PRKCQ: variants seen among roughly 807,000 people sequenced by gnomAD.
PRKCQ encodes the protein protein kinase C theta, also known as protein kinase C theta type.
Under a neutral mutation model 91.2 loss-of-function variants are expected in PRKCQ, and 41 were observed. That is an observed-to-expected ratio of 0.45 (90% CI 0.35 to 0.58). The LOEUF (loss-of-function observed/expected upper bound fraction) is 0.58, where lower values mean the gene tolerates loss of function less well. Ranked by LOEUF, PRKCQ falls within the 20% of genes least tolerant of loss-of-function variation. PRKCQ has a pLI of 0.00. For synonymous variants in PRKCQ, 307 were observed against 316.9 expected (o/e 0.97, Z 0.33); for missense variants, 673 against 896.5 (o/e 0.75, Z 3.18).
chr10:6,574,243 G>A (rs1160211224), intron 1 of PRKCQ, among the ~76,000 whole-genome samples: 5 of 152,320 alleles, frequency 3.3e-5, no homozygotes, highest in East Asian at 1.9e-4. Context: ...AGTGCAAGCC[G>A]AGTGCTGTGA....
At chr10:6,554,356 C>G (rs1588418328) in intron 1 of PRKCQ, among the ~76,000 whole-genome samples, 1 of 151,438 alleles carries the variant, frequency 6.6e-6, no homozygotes, top group African/African-American at 2.4e-5. Context: ...GTGGTTGGAA[C>G]TGAATTAGGG....
chr10:6,431,110 C>A lies in PRKCQ; in HGVS notation c.1837-172G>T, dbSNP rs143183211. ...GTCCTGGCACTCTCCCTTGAAGAAGCCTTTCTAAATTTGCTGGAGTCTGAC... is the reference window on the plus strand; with the variant it reads ...GTCCTGGCACTCTCCCTTGAAGAAGACTTTCTAAATTTGCTGGAGTCTGAC... On this transcript the variant is annotated intron_variant, in intron 16 of 17. Coordinates refer to ENST00000263125, the MANE Select transcript of PRKCQ (RefSeq NM_006257.5). 2.7e-3 allele frequency among the ~76,000 whole-genome samples: 411 copies of A among 152,296 alleles called. 1 individual carries two copies. The highest frequency in any genetic ancestry group is 9.4e-3 in the African/African-American group (392 of 41,564).
chr10:6,560,550 T>C (rs57809446), intron 1 of PRKCQ, among the ~76,000 whole-genome samples: 2,233 of 152,314 alleles, frequency 0.015, 46 homozygotes, highest in African/African-American at 0.052. Flanking sequence ...CCTGAGATAG[T>C]GTTTCACGGA....
the PRKCQ span, among the ~76,000 whole-genome samples, chr10:6,395,133 G>A: frequency 2.8e-4 from 40 of 140,798 alleles, no homozygotes; most frequent in Non-Finnish European, 4.2e-4. Flanking sequence ...CTGTGATCTC[G>A]GCTCACTGCA....
the PRKCQ span, among the ~76,000 whole-genome samples, chr10:6,414,971 A>AT: frequency 4.0e-5 from 6 of 150,998 alleles, no homozygotes; most frequent in Admixed American, 1.3e-4. Context: ...TTTTAATTTA[A>AT]TTTTTTTTTG....
At chr10:6,458,039 G>A (rs768485767) in intron 14 of PRKCQ, among the ~76,000 whole-genome samples, 5 of 151,870 alleles carry the variant, frequency 3.3e-5, no homozygotes, top group Non-Finnish European at 7.4e-5. Context: ...TCAACCTCTT[G>A]AGCAAGCAGT....
At chr10:6,494,115 C>T (rs1489892200) in intron 7 of PRKCQ, among the ~76,000 whole-genome samples, 2 of 152,168 alleles carry the variant, frequency 1.3e-5, no homozygotes, top group Non-Finnish European at 2.9e-5. Context: ...CTCCAGCCAT[C>T]AAACTCCATG....
intron 1 of PRKCQ, among the ~76,000 whole-genome samples, chr10:6,532,026 C>T (rs924201340): frequency 6.6e-6 from 1 of 152,186 alleles, no homozygotes; most frequent in African/African-American, 2.4e-5. Context: ...TTCCAGGCAT[C>T]ACTCAGTGAG....
At chr10:6,518,975 A>G (rs1163497077) in intron 1 of PRKCQ, among the ~76,000 whole-genome samples, 2 of 152,366 alleles carry the variant, frequency 1.3e-5, no homozygotes, top group East Asian at 3.9e-4. Context: ...TATGTAAATT[A>G]CCACATTTAA....
intron 1 of PRKCQ, among the ~76,000 whole-genome samples, chr10:6,575,134 A>C (rs996411849): frequency 6.6e-6 from 1 of 152,228 alleles, no homozygotes; most frequent in Non-Finnish European, 1.5e-5. Flanking sequence ...GTTGCATGAC[A>C]TTATAAACTG....
chr10:6,466,857 TGA>T (rs1200208719), intron 12 of PRKCQ, among the ~76,000 whole-genome samples: 2 of 152,064 alleles, frequency 1.3e-5, no homozygotes, highest in African/African-American at 4.8e-5. Flanking sequence ...CCAAGAAGAA[TGA>T]GACTCAGAGT....
At chr10:6,515,180 C>T in intron 1 of PRKCQ, 36 bp from the exon 2 acceptor site, 1 of 1,609,394 alleles carries the variant, frequency 6.2e-7, no homozygotes, top group Non-Finnish European at 8.5e-7. Flanking sequence ...TGTTTGGGGG[C>T]TATAAAAGAT....
intron 1 of PRKCQ, among the ~76,000 whole-genome samples, chr10:6,521,211 T>C (rs1431698445): frequency 6.6e-6 from 1 of 152,230 alleles, no homozygotes; most frequent in Non-Finnish European, 1.5e-5. Context: ...CTGATCCCCC[T>C]GTCTGATATA....
rs114840609 is a variant in PRKCQ at position 6,534,383 on chromosome 10, C to T, written c.-9-19239G>A. Among the ~76,000 whole-genome samples, 153 of 152,278 alleles carry T rather than the reference C, an allele frequency of 1.0e-3. 1 individual carries two copies. The highest frequency in any genetic ancestry group is 6.8e-3 in the Middle Eastern group (2 of 294). On this transcript the variant is annotated intron_variant, in intron 1 of 17. Coordinates refer to ENST00000263125, the MANE Select transcript of PRKCQ (RefSeq NM_006257.5). ...TCTATTTATTCTACTGAACATGACT[C>T]TTAATATCCTTCCCCAGTACATAGC...
chr10:6,504,249 T>C (rs962798474), intron 4 of PRKCQ, among the ~76,000 whole-genome samples: 2 of 152,220 alleles, frequency 1.3e-5, no homozygotes, highest in South Asian at 2.1e-4. Flanking sequence ...CACCTCTCCA[T>C]AACATAAGTG....
chr10:6,432,970 G>A (rs1020631871), intron 16 of PRKCQ, among the ~76,000 whole-genome samples: 1 of 152,008 alleles, frequency 6.6e-6, no homozygotes, highest in African/African-American at 2.4e-5. Context: ...TTTTCCTTGT[G>A]AAACTTTCTT....
intron 11 of PRKCQ, among the ~76,000 whole-genome samples, chr10:6,479,767 T>C (rs184191534): frequency 1.4e-3 from 53 of 38,992 alleles, no homozygotes; most frequent in African/African-American, 5.7e-3. Context: ...CCGTCTCGAC[T>C]AAAAAAAAAA....
At chr10:6,434,914 T>A (rs961677934) in intron 16 of PRKCQ, among the ~76,000 whole-genome samples, 4 of 151,776 alleles carry the variant, frequency 2.6e-5, no homozygotes, top group African/African-American at 7.3e-5. Flanking sequence ...AAGTAAAGAG[T>A]GTTTTTTTTC....
intron 12 of PRKCQ, among the ~76,000 whole-genome samples, chr10:6,471,462 G>C (rs980067194): frequency 5.3e-5 from 8 of 152,196 alleles, no homozygotes; most frequent in Admixed American, 1.3e-4. Flanking sequence ...GGGAGAGTAG[G>C]CTGGGCATGG....
Sources: gnomAD v4.1 joint callset for allele counts (sites outside exome capture counted in the v4.1 genomes callset) on GRCh38, gnomAD v4.1.1 for gene constraint, MANE v1.5 for transcripts, NCBI Gene and HGNC (gene_info 2026-07-23, HGNC 2026-07-21) for gene names.